The following KCNIP4 variants were observed in gnomAD, a reference collection of about 807,000 sequenced individuals.
KCNIP4 encodes potassium voltage-gated channel interacting protein 4.
In KCNIP4, 12 loss-of-function variants were observed where a neutral mutation model predicts 34.0. The observed-to-expected ratio is 0.35, with a 90% CI of 0.23 to 0.57. The LOEUF is 0.57. Among genes scored for constraint, KCNIP4 ranks in the 20% least tolerant of loss-of-function variants. The pLI, the probability that KCNIP4 is intolerant of heterozygous loss-of-function variation, is 0.83. For missense variants in KCNIP4, 238 were observed against 311.7 expected (o/e 0.76, Z 1.78); for synonymous variants, 124 against 102.2 (o/e 1.21, Z -1.29).
At chr4:21,230,919 G>A (rs1758743218) in intron 1 of KCNIP4, among the ~76,000 whole-genome samples, 2 of 152,126 alleles carry the variant, frequency 1.3e-5, no homozygotes, top group African/African-American at 4.8e-5. Context: ...TCTGGTTATA[G>A]GTCTTTGAGG....
rs77084381 is a variant in KCNIP4 at position 20,888,386 on chromosome 4, G to A, written c.62-5677C>T. 3.4e-3 allele frequency among the ~76,000 whole-genome samples: 517 copies of A among 152,208 alleles called. 5 individuals are homozygous for A. Among genetic ancestry groups the A allele is most frequent in the African/African-American group, 0.012 (491 of 41,542 alleles). ...ATCTTTTATGATTGTCTCAGTATGTGCAGATTTGCTACTTGTAATTAGCAG... is the reference window on the plus strand; with the variant it reads ...ATCTTTTATGATTGTCTCAGTATGTACAGATTTGCTACTTGTAATTAGCAG... On this transcript the variant is annotated intron_variant, in intron 1 of 8. Transcript: ENST00000382152.
chr4:21,917,825 A>T (rs1728724842), intron 1 of KCNIP4, among the ~76,000 whole-genome samples: 1 of 152,226 alleles, frequency 6.6e-6, no homozygotes, highest in Non-Finnish European at 1.5e-5. Flanking sequence ...ACGAATGAGT[A>T]CTGGATTGGC....
intron 1 of KCNIP4, among the ~76,000 whole-genome samples, chr4:21,936,512 G>A (rs111894275): frequency 6.6e-6 from 1 of 152,054 alleles, no homozygotes; most frequent in African/African-American, 2.4e-5. Flanking sequence ...AAGAGGCACA[G>A]GATGGGTTGT....
intron 1 of KCNIP4, chr4:21,845,555 T>C (rs556084288): frequency 2.6e-5 from 4 of 152,248 alleles, no homozygotes; most frequent in African/African-American, 9.6e-5. Flanking sequence ...AGCAGATTTT[T>C]TTAAGTGTTT....
chr4:21,570,042 C>T (rs961609749), intron 1 of KCNIP4, among the ~76,000 whole-genome samples: 20 of 152,042 alleles, frequency 1.3e-4, no homozygotes, highest in African/African-American at 4.8e-4. Flanking sequence ...AGGCTGAAGC[C>T]ATCGTTGTCT....
At chr4:21,655,985 T>C (rs1228360544) in intron 1 of KCNIP4, among the ~76,000 whole-genome samples, 4 of 152,196 alleles carry the variant, frequency 2.6e-5, no homozygotes, top group African/African-American at 7.2e-5. Flanking sequence ...AACTACTTAA[T>C]CTCTGTATTA....
chr4:21,270,963 T>G (rs13139207), intron 1 of KCNIP4, among the ~76,000 whole-genome samples: 36,927 of 140,854 alleles, frequency 0.26, 4,897 homozygotes, highest in South Asian at 0.35. Flanking sequence ...TCCAGCCTGG[T>G]CAACAGATCA....
In KCNIP4 at chr4:21,462,733, G is replaced by T. The variant is rs554312934; in HGVS notation, c.61+485838C>A. 0.011 allele frequency among the ~76,000 whole-genome samples: 1,528 copies of T among 144,562 alleles called. 75 individuals carry two copies. In the East Asian group the frequency reaches 0.12, roughly 12 times the overall value. The allele number at this position is 144,562 out of a possible 152,430, so 94.8% of individuals were successfully genotyped here. ...ATTTATATTGTCACAAATGATATAG[G>T]ATTTTATTCTTTATGGCTAAATAGT... is the stretch of plus-strand genomic sequence containing the variant. On this transcript the variant is annotated intron_variant, in intron 1 of 8. Coordinates refer to ENST00000382152, the MANE Select transcript of KCNIP4 (RefSeq NM_025221.6).
intron 1 of KCNIP4, among the ~76,000 whole-genome samples, chr4:21,547,883 A>T (rs1577574848): frequency 1.6e-5 from 1 of 63,298 alleles, no homozygotes; most frequent in East Asian, 4.5e-4. Flanking sequence ...TTTATAAAAT[A>T]TTTTAATAAT....
At chr4:21,036,549 C>A (rs1215469519) in intron 1 of KCNIP4, among the ~76,000 whole-genome samples, 1 of 152,154 alleles carries the variant, frequency 6.6e-6, no homozygotes, top group Admixed American at 6.5e-5. Context: ...GCACTGGAAG[C>A]AAATGAGTCT....
At chr4:21,608,370 G>A (rs1279876830) in intron 1 of KCNIP4, among the ~76,000 whole-genome samples, 1 of 152,174 alleles carries the variant, frequency 6.6e-6, no homozygotes, top group Non-Finnish European at 1.5e-5. Flanking sequence ...TGCTGGCTGA[G>A]CTTAGTTCCT....
chr4:21,106,187 G>T (rs558387124), intron 1 of KCNIP4, among the ~76,000 whole-genome samples: 2 of 150,906 alleles, frequency 1.3e-5, no homozygotes, highest in East Asian at 1.9e-4. Context: ...GTTCCTCCTT[G>T]TGCCTCTGGT....
intron 1 of KCNIP4, among the ~76,000 whole-genome samples, chr4:21,766,061 T>C (rs1050141224): frequency 1.3e-5 from 2 of 152,026 alleles, no homozygotes; most frequent in Admixed American, 6.6e-5. Flanking sequence ...AAACACCTGA[T>C]TAACGCTCTC....
At chr4:21,381,426 G>A (rs1240753749) in intron 1 of KCNIP4, among the ~76,000 whole-genome samples, 1 of 152,090 alleles carries the variant, frequency 6.6e-6, no homozygotes, top group Non-Finnish European at 1.5e-5. Context: ...TCTCCAGGTA[G>A]TATTTTTACT....
chr4:21,069,697 T>C (rs963835905), intron 1 of KCNIP4, among the ~76,000 whole-genome samples: 7 of 152,130 alleles, frequency 4.6e-5, no homozygotes, highest in African/African-American at 7.2e-5. Flanking sequence ...TACAGAAAAA[T>C]AGAAATTTGG....
intron 1 of KCNIP4, among the ~76,000 whole-genome samples, chr4:21,554,844 A>C (rs559703164): frequency 6.6e-6 from 1 of 152,260 alleles, no homozygotes; most frequent in Admixed American, 6.5e-5. Context: ...AAATCTTATT[A>C]ATCTTCATAT....
At chr4:21,315,963 G>A (rs1008268555) in intron 1 of KCNIP4, among the ~76,000 whole-genome samples, 1 of 152,166 alleles carries the variant, frequency 6.6e-6, no homozygotes, top group African/African-American at 2.4e-5. Flanking sequence ...CTGACCGACT[G>A]TGTTCACACT....
chr4:21,878,931 G>A (rs577722792), intron 1 of KCNIP4, among the ~76,000 whole-genome samples: 2 of 152,176 alleles, frequency 1.3e-5, no homozygotes, highest in Admixed American at 1.3e-4. Context: ...GTGGGTCCGT[G>A]GCAATACTTT....
intron 1 of KCNIP4, among the ~76,000 whole-genome samples, chr4:21,799,258 G>A (rs986897169): frequency 6.6e-6 from 1 of 152,100 alleles, no homozygotes; most frequent in Admixed American, 6.5e-5. Flanking sequence ...TTACAGATGA[G>A]GTAACTGAGA....
Sources: gnomAD v4.1 joint callset for allele counts (sites outside exome capture counted in the v4.1 genomes callset) on GRCh38, gnomAD v4.1.1 for gene constraint, MANE v1.5 for transcripts, NCBI Gene and HGNC (gene_info 2026-07-23, HGNC 2026-07-21) for gene names.